DPYSL3: variants seen among roughly 807,000 people sequenced by gnomAD.
DPYSL3 encodes the protein dihydropyrimidinase-related protein 3.
In DPYSL3, 16 loss-of-function variants were observed where a neutral mutation model predicts 66.1. That is an observed-to-expected ratio of 0.24 (90% CI 0.16 to 0.37). The LOEUF is 0.37. DPYSL3 is among the 10% of genes least tolerant of loss of function. The pLI is 1.00. For synonymous variants in DPYSL3, 338 were observed against 345.1 expected (o/e 0.98, Z 0.23); for missense variants, 738 against 916.2 (o/e 0.81, Z 2.51).
chr5:147,498,399 A>G (rs555333444), intron 1 of DPYSL3, among the ~76,000 whole-genome samples: 187 of 152,328 alleles, frequency 1.2e-3, no homozygotes, highest in African/African-American at 4.4e-3. Flanking sequence ...CAATGAACAT[A>G]CACGTGCATG....
intron 1 of DPYSL3, among the ~76,000 whole-genome samples, chr5:147,427,853 C>T (rs1752225839): frequency 6.6e-6 from 1 of 152,152 alleles, no homozygotes; most frequent in African/African-American, 2.4e-5. Context: ...TAACTCAATG[C>T]TTTCCTGATT....
At chr5:147,497,699 A>T (rs1195807964) in intron 1 of DPYSL3, among the ~76,000 whole-genome samples, 1 of 131,492 alleles carries the variant, frequency 7.6e-6, no homozygotes, top group East Asian at 2.0e-4. Context: ...TCCAATATCC[A>T]TTCATGATAA....
At chr5:147,507,373 A>G (rs919469090) in intron 1 of DPYSL3, among the ~76,000 whole-genome samples, 1 of 152,020 alleles carries the variant, frequency 6.6e-6, no homozygotes, top group Non-Finnish European at 1.5e-5. Context: ...AAGTTGTCCA[A>G]AAAGTTGCTT....
In DPYSL3 at chr5:147,415,861, A is replaced by C; in HGVS notation, c.668T>G (p.Val223Gly). ...GGTTMIIDHV[V>G]PEPESSLTEA... ...AGTCAGGCTGGACTCAGGCTCAGGC[A>C]CCACATGGTCAACTGAATGACAGAG... Residue 223 changes from valine (V) to glycine (G), a missense_variant, in exon 4 of 14, where the codon GTG (valine) becomes GGG (glycine). By Grantham distance (109) the Val-to-Gly change is moderately radical. Transcript: ENST00000343218. 6.2e-7 allele frequency: 1 copy of C among 1,613,736 alleles called. No homozygotes were observed. The highest frequency in any genetic ancestry group is 2.2e-5 in the East Asian group (1 of 44,840).
At chr5:147,502,135 G>A (rs1364348724) in intron 1 of DPYSL3, among the ~76,000 whole-genome samples, 1 of 152,006 alleles carries the variant, frequency 6.6e-6, no homozygotes, top group Non-Finnish European at 1.5e-5. Context: ...CCTTCTAGCT[G>A]TGTTCTCACC....
intron 1 of DPYSL3, among the ~76,000 whole-genome samples, chr5:147,464,527 CAGG>C: frequency 6.6e-6 from 1 of 152,246 alleles, no homozygotes; most frequent in Non-Finnish European, 1.5e-5. Flanking sequence ...CCCTGATTAT[CAGG>C]AGAAGGTAAG....
At position 147,470,130 on chromosome 5, in the gene DPYSL3, G is replaced by A. The variant is rs537851801; in HGVS notation, c.381+39348C>T. On this transcript the variant is annotated intron_variant, in intron 1 of 13. Transcript: ENST00000343218. ...CAAGCTGAAGGTTCATCCTCTCTTC[G>A]TAACTCCCTTCAGGGTCAGCTGAGG... Among the ~76,000 whole-genome samples, 18 of 152,216 alleles carry A rather than the reference G, an allele frequency of 1.2e-4. No homozygotes were observed. The South Asian group carries it at 1.7e-3, about 14-fold the overall frequency.
At chr5:147,494,053 C>T (rs1441512649) in intron 1 of DPYSL3, among the ~76,000 whole-genome samples, 4 of 151,922 alleles carry the variant, frequency 2.6e-5, no homozygotes, top group Non-Finnish European at 5.9e-5. Context: ...ATTATCCTGG[C>T]GTGGTGGCAG....
chr5:147,463,261 A>G (rs1752961854), intron 1 of DPYSL3, among the ~76,000 whole-genome samples: 1 of 152,166 alleles, frequency 6.6e-6, no homozygotes, highest in Non-Finnish European at 1.5e-5. Context: ...CAAGCTGAAA[A>G]TAGACCATGG....
At chr5:147,448,779 G>C (rs1348095243) in intron 1 of DPYSL3, among the ~76,000 whole-genome samples, 1 of 152,142 alleles carries the variant, frequency 6.6e-6, no homozygotes, top group East Asian at 1.9e-4. Context: ...AATGTTCAGG[G>C]CTCTTTCTAT....
intron 1 of DPYSL3, among the ~76,000 whole-genome samples, chr5:147,461,600 G>A (rs1033717222): frequency 1.9e-4 from 29 of 152,182 alleles, no homozygotes; most frequent in African/African-American, 6.3e-4. Flanking sequence ...GCTTCACTAC[G>A]GCCACCTACT....
rs1259727592 is a variant in DPYSL3, at chr5:147,394,068, T to G, written c.2022A>C (p.Pro674=). The G allele has an allele frequency of 6.2e-7, 1 of 1,613,930 alleles. No homozygotes were observed. The highest frequency in any genetic ancestry group is 2.2e-5 in the East Asian group (1 of 44,860). Reference sequence around the variant, plus strand: ...GAGATGTGATATTAGAACGGCCGCCTGGGGGCGCCACGATGCGCTTGCTGG... The same window carrying G: ...GAGATGTGATATTAGAACGGCCGCCGGGGGGCGCCACGATGCGCTTGCTGG... ...RSASKRIVAP[P]GGRSNITSLS The change falls in exon 14 of 14, where the codon CCA becomes CCC. Residue 674 remains proline, a synonymous_variant. Transcript: ENST00000343218.
chr5:147,459,266 T>C (rs1490012797), intron 1 of DPYSL3, among the ~76,000 whole-genome samples: 1 of 152,134 alleles, frequency 6.6e-6, no homozygotes, highest in Non-Finnish European at 1.5e-5. Context: ...TGAGAAAACA[T>C]TTGCCCCTTG....
chr5:147,509,562 C>G lies in DPYSL3; in HGVS notation c.297G>C (p.Ala99=), dbSNP rs1233009861. The change falls in exon 1 of 14, where the codon GCG becomes GCC. Residue 99 remains alanine (A), a synonymous_variant. Transcript: ENST00000343218. The surrounding 1 kb of genome is among the most constrained non-coding windows in gnomAD (Gnocchi z 5.3). ...GQGREESREP[A]PASPAPAGVE... The stretch of plus-strand genomic sequence containing the variant: ...CCCCGGCGGGGGCGGGGGAGGCGGG[C>G]GCGGGCTCCCTGCTCTCTTCCCGGC... 1 of 1,534,958 alleles carries G rather than the reference C, an allele frequency of 6.5e-7. No individual in the cohort carries two copies. The highest frequency in any genetic ancestry group is 8.7e-7 in the Non-Finnish European group (1 of 1,146,490).
At chr5:147,407,181 C>G (rs959192035) in intron 7 of DPYSL3, among the ~76,000 whole-genome samples, 19 of 152,148 alleles carry the variant, frequency 1.2e-4, no homozygotes, top group African/African-American at 4.3e-4. Context: ...CCCAGGACCT[C>G]TGTCCTGGTC....
chr5:147,486,542 G>C (rs958745665), intron 1 of DPYSL3, among the ~76,000 whole-genome samples: 50 of 152,054 alleles, frequency 3.3e-4, no homozygotes, highest in Admixed American at 3.1e-3. Context: ...TATCGATTCC[G>C]TGCCTTCTCC....
intron 1 of DPYSL3, among the ~76,000 whole-genome samples, chr5:147,448,199 A>T (rs916286985): frequency 7.9e-5 from 12 of 152,150 alleles, no homozygotes; most frequent in Non-Finnish European, 1.5e-5. Flanking sequence ...AGCTGAAAGG[A>T]TCTTCATAAC....
At chr5:147,474,174 G>A (rs2126426812) in intron 1 of DPYSL3, among the ~76,000 whole-genome samples, 1 of 152,092 alleles carries the variant, frequency 6.6e-6, no homozygotes, top group South Asian at 2.1e-4. Flanking sequence ...ACACAATGGT[G>A]GCTAGTAAGT....
At chr5:147,447,900 A>G (rs964484947) in intron 1 of DPYSL3, among the ~76,000 whole-genome samples, 1 of 152,164 alleles carries the variant, frequency 6.6e-6, no homozygotes, top group African/African-American at 2.4e-5. Flanking sequence ...GACATATTCA[A>G]ATTTCCTGTC....
Sources: gnomAD v4.1 joint callset for allele counts (sites outside exome capture counted in the v4.1 genomes callset) on GRCh38, gnomAD v4.1.1 for gene constraint, Gnocchi (gnomAD v3.1) non-coding constraint, MANE v1.5 for transcripts, NCBI Gene and HGNC (gene_info 2026-07-23, HGNC 2026-07-21) for gene names.